CFAP52: variants seen among roughly 807,000 people sequenced by gnomAD.
CFAP52 encodes cilia- and flagella-associated protein 52.
A neutral mutation model predicts 70.5 loss-of-function variants in CFAP52; 57 were observed. The observed-to-expected ratio is 0.81, with a 90% CI of 0.65 to 1.01. The LOEUF (loss-of-function observed/expected upper bound fraction) is 1.01, where lower values mean the gene tolerates loss of function less well. Among genes scored for constraint, CFAP52 ranks in the 50% least tolerant of loss-of-function variants. The probability of loss-of-function intolerance (pLI) is 0.00; values close to 1 mark genes in which losing one functional copy is unlikely to be tolerated. For synonymous variants in CFAP52, 267 were observed against 292.5 expected (o/e 0.91, Z 0.89); for missense variants, 785 against 788.5 (o/e 1.00, Z 0.05).
chr17:9,609,464 G>A (rs776720835), intron 7 of CFAP52, among the ~76,000 whole-genome samples: 1 of 152,296 alleles, frequency 6.6e-6, no homozygotes, highest in Admixed American at 6.5e-5. Flanking sequence ...GGAGGTCGAG[G>A]CAAGTGGATC....
intron 3 of CFAP52, among the ~76,000 whole-genome samples, chr17:9,591,956 A>T (rs1274982752): frequency 1.3e-5 from 2 of 152,214 alleles, no homozygotes; most frequent in African/African-American, 4.8e-5. Context: ...CTACTATGCA[A>T]AAGGATCCAA....
At chr17:9,629,258 C>G (rs187946323) in intron 9 of CFAP52, among the ~76,000 whole-genome samples, 1 of 152,246 alleles carries the variant, frequency 6.6e-6, no homozygotes, top group Non-Finnish European at 1.5e-5. Flanking sequence ...GCGTGATATT[C>G]CACCTCTAAA....
chr17:9,588,442 G>A (rs2151929443), intron 3 of CFAP52, among the ~76,000 whole-genome samples: 1 of 152,280 alleles, frequency 6.6e-6, no homozygotes, highest in African/African-American at 2.4e-5. Flanking sequence ...GCTGTATGTG[G>A]GAGATGCCAG....
intron 9 of CFAP52, among the ~76,000 whole-genome samples, chr17:9,631,072 A>AAGAAAGAAAGAAAGAAAGAAAG (rs1910510686): frequency 1.7e-5 from 2 of 120,100 alleles, no homozygotes. Flanking sequence ...GAAAGAAAGA[A>AAGAAAGAAAGAAAGAAAGAAAG]AGAAAGAAAG....
At chr17:9,581,174 G>A (rs551358677) in intron 1 of CFAP52, among the ~76,000 whole-genome samples, 7 of 152,138 alleles carry the variant, frequency 4.6e-5, no homozygotes, top group East Asian at 1.9e-4. Context: ...AAAATTAGCC[G>A]GGCGCGGTGG....
chr17:9,586,801 A>C lies in CFAP52; in HGVS notation c.374A>C (p.Tyr125Ser). 1 of 1,612,836 alleles carries C rather than the reference A, an allele frequency of 6.2e-7. No homozygotes were observed. Among genetic ancestry groups the C allele is most frequent in the Non-Finnish European group, 8.5e-7 (1 of 1,179,616 alleles). The stretch of plus-strand genomic sequence containing the variant: ...CTGGCCTTTTCTCCAAATGATTTGT[A>C]CTTGGTATCACTAGGAGGCCCAGAT... Reference protein sequence around the residue: ...EALAFSPNDLYLVSLGGPDDG... With the variant: ...EALAFSPNDLSLVSLGGPDDG... Residue 125 changes from tyrosine (Y) to serine (S), a missense_variant, in exon 3 of 14, where the codon TAC becomes TCC. Physicochemically the swap from Tyr to Ser is moderately radical, Grantham distance 144 (BLOSUM62 -2). Transcript: ENST00000352665.
chr17:9,579,900 A>T (rs1036836615), intron 1 of CFAP52, among the ~76,000 whole-genome samples: 1 of 152,368 alleles, frequency 6.6e-6, no homozygotes, highest in African/African-American at 2.4e-5. Context: ...TGGTATCAAT[A>T]TGTAACTGTA....
intron 8 of CFAP52, among the ~76,000 whole-genome samples, chr17:9,625,596 A>G (rs796840502): frequency 4.6e-5 from 7 of 152,278 alleles, no homozygotes; most frequent in African/African-American, 1.2e-4. Context: ...TGGTAACGCT[A>G]TGGTTTTTCT....
At chr17:9,603,425 G>T (rs1470725080) in intron 6 of CFAP52, among the ~76,000 whole-genome samples, 1 of 152,088 alleles carries the variant, frequency 6.6e-6, no homozygotes, top group Non-Finnish European at 1.5e-5. Context: ...TAGCCAGGAT[G>T]GTCTCGATCT....
chr17:9,632,167 TCCC>T (rs1181093350), intron 9 of CFAP52, among the ~76,000 whole-genome samples: 20 of 151,850 alleles, frequency 1.3e-4, no homozygotes, highest in African/African-American at 4.8e-4. Flanking sequence ...AACCTCCATC[TCCC>T]AGGTTTAAGT....
At chr17:9,586,977 A>G (rs775082235) in intron 3 of CFAP52, 143 bp downstream of exon 3, 2 of 1,017,024 alleles carry the variant, frequency 2.0e-6, no homozygotes, top group Non-Finnish European at 2.7e-6. Flanking sequence ...CCAGGTGCTC[A>G]GCCTAGTACC....
chr17:9,594,348 G>A, intron 4 of CFAP52, 27 bp downstream of exon 4: 2 of 1,602,460 alleles, frequency 1.2e-6, no homozygotes, highest in Non-Finnish European at 1.7e-6. Context: ...GGAGTTTTCA[G>A]AACTCATAAA....
intron 8 of CFAP52, among the ~76,000 whole-genome samples, chr17:9,615,941 T>C (rs928691287): frequency 4.0e-5 from 6 of 151,826 alleles, no homozygotes; most frequent in African/African-American, 1.5e-4. Flanking sequence ...GCCACTGCAG[T>C]CAACCTCTAA....
At chr17:9,614,202 C>T (rs1483109451) in intron 8 of CFAP52, among the ~76,000 whole-genome samples, 4 of 129,632 alleles carry the variant, frequency 3.1e-5, no homozygotes, top group Non-Finnish European at 6.2e-5. Context: ...TGTTGCCATG[C>T]TGGAGTGCAG....
intron 12 of CFAP52, among the ~76,000 whole-genome samples, 158 bp from the exon 13 acceptor site, chr17:9,641,565 TG>T (rs961393512): frequency 6.6e-6 from 1 of 152,226 alleles, no homozygotes; most frequent in Non-Finnish European, 1.5e-5. Flanking sequence ...AAAATGGTTT[TG>T]CCACCCCCTG....
intron 8 of CFAP52, among the ~76,000 whole-genome samples, chr17:9,614,117 C>T (rs1303629678): frequency 1.3e-5 from 2 of 148,500 alleles, no homozygotes; most frequent in African/African-American, 5.0e-5. Flanking sequence ...TTTTGCATCT[C>T]TTTCTTTTCC....
intron 6 of CFAP52, among the ~76,000 whole-genome samples, chr17:9,601,550 A>G (rs1400379272): frequency 1.3e-5 from 2 of 152,154 alleles, no homozygotes; most frequent in Non-Finnish European, 2.9e-5. Context: ...GATCTATAAA[A>G]CTATATATAT....
chr17:9,598,895 G>C (rs1909144464), intron 5 of CFAP52, among the ~76,000 whole-genome samples: 1 of 152,022 alleles, frequency 6.6e-6, no homozygotes, highest in Non-Finnish European at 1.5e-5. Flanking sequence ...CCGAAAGCCT[G>C]CCTCACCTGG....
chr17:9,583,630 T>C (rs1908321008), intron 1 of CFAP52, among the ~76,000 whole-genome samples: 1 of 152,176 alleles, frequency 6.6e-6, no homozygotes, highest in African/African-American at 2.4e-5. Flanking sequence ...AAAAATCATT[T>C]TCCCTTAAGT....
Sources: gnomAD v4.1 joint callset for allele counts (sites outside exome capture counted in the v4.1 genomes callset) on GRCh38, gnomAD v4.1.1 for gene constraint, MANE v1.5 for transcripts, NCBI Gene and HGNC (gene_info 2026-07-23, HGNC 2026-07-21) for gene names.